CD3E: variants seen among roughly 807,000 people sequenced by gnomAD.
CD3E encodes the protein CD3 epsilon subunit of T-cell receptor complex.
CD3E carries 16 observed loss-of-function variants against 34.7 expected under a neutral mutation model. The observed-to-expected ratio is 0.46, with a 90% CI of 0.31 to 0.70. The LOEUF (loss-of-function observed/expected upper bound fraction) is 0.70, where lower values mean the gene tolerates loss of function less well. Among genes scored for constraint, CD3E ranks in the 30% least tolerant of loss-of-function variants. CD3E has a pLI of 0.05. For synonymous variants in CD3E, 70 were observed against 90.8 expected (o/e 0.77, Z 1.30); for missense variants, 223 against 253.9 (o/e 0.88, Z 0.83).
chr11:118,307,616 G>A (rs771415605), intron 3 of CD3E, among the ~76,000 whole-genome samples: 16 of 152,214 alleles, frequency 1.1e-4, no homozygotes, highest in South Asian at 2.1e-4. Flanking sequence ...TTCTGCAGAG[G>A]AGACGTAGCC....
intron 4 of CD3E, among the ~76,000 whole-genome samples, chr11:118,311,604 ATGAGGGAC>A (rs529771057): frequency 4.9e-4 from 75 of 152,362 alleles, no homozygotes; most frequent in Admixed American, 3.3e-3. Context: ...CTTCTCTATT[ATGAGGGAC>A]TCAGTTCTGA....
At chr11:118,312,535 A>G in intron 5 of CD3E, 83 bp from the exon 6 acceptor site, 1 of 1,505,246 alleles carries the variant, frequency 6.6e-7, no homozygotes, top group South Asian at 1.1e-5. Flanking sequence ...GACTTCCTGC[A>G]TTTGGGTGGT....
chr11:118,313,950 TCCA>T (rs1169250345), intron 7 of CD3E, 76 bp downstream of exon 7: 6 of 1,471,156 alleles, frequency 4.1e-6, no homozygotes, highest in Middle Eastern at 4.8e-4. Flanking sequence ...GGGTGGCAAG[TCCA>T]CAGCTAGGTC....
intron 4 of CD3E, among the ~76,000 whole-genome samples, chr11:118,311,863 C>A (rs919465660): frequency 2.2e-4 from 33 of 152,162 alleles, no homozygotes; most frequent in Admixed American, 1.4e-3. Flanking sequence ...GGCTTTAGGA[C>A]TTTAAGGCTT....
At chr11:118,309,479 G>C (rs994749134) in intron 4 of CD3E, among the ~76,000 whole-genome samples, 4 of 152,214 alleles carry the variant, frequency 2.6e-5, no homozygotes, top group African/African-American at 7.2e-5. Context: ...AGGAGGCTGA[G>C]GTAGGAGAAT....
Position 118,308,423 on chromosome 11 carries a change from T to A in CD3E, c.71-4T>A. ...CTAATGGCTTCTTACTGTTTCCTTTTCAGGTAATGAAGAAATGGGTAAGAA... is the reference window on the plus strand; with the variant it reads ...CTAATGGCTTCTTACTGTTTCCTTTACAGGTAATGAAGAAATGGGTAAGAA... On this transcript the variant is annotated splice_polypyrimidine_tract_variant and splice_region_variant and intron_variant, in intron 3 of 8. Coordinates refer to ENST00000361763, the MANE Select transcript of CD3E (RefSeq NM_000733.4). 1 of 1,593,896 alleles carries A rather than the reference T, an allele frequency of 6.3e-7. No homozygotes were observed. Among genetic ancestry groups the A allele is most frequent in the Non-Finnish European group, 8.6e-7 (1 of 1,164,114 alleles).
intron 6 of CD3E, chr11:118,313,198 A>C: frequency 2.6e-6 from 1 of 390,416 alleles, no homozygotes; most frequent in Non-Finnish European, 4.8e-6. Flanking sequence ...TCCAGAGATA[A>C]ATTTTTCAGA....
chr11:118,313,014 C>T (rs1242593357), intron 6 of CD3E, 148 bp downstream of exon 6: 1 of 872,800 alleles, frequency 1.1e-6, no homozygotes, highest in African/African-American at 1.6e-5. Context: ...TCTCTGGTAC[C>T]ACACGGCATC....
At chr11:118,313,531 G>A (rs1470523944) in intron 6 of CD3E, 176 bp from the exon 7 acceptor site, 22 of 662,170 alleles carry the variant, frequency 3.3e-5, no homozygotes, top group Non-Finnish European at 5.1e-5. Context: ...CTCTACCCAC[G>A]GCCACCACTC....
At chr11:118,313,329 T>C (rs1399722141) in intron 6 of CD3E, 2 of 372,270 alleles carry the variant, frequency 5.4e-6, no homozygotes, top group African/African-American at 4.2e-5. Context: ...GCACTGTCTG[T>C]ACCCAACACT....
chr11:118,309,976 C>T (rs746719824), intron 4 of CD3E, among the ~76,000 whole-genome samples: 5 of 152,136 alleles, frequency 3.3e-5, no homozygotes, highest in African/African-American at 7.2e-5. Flanking sequence ...GAGAAAGACC[C>T]TGTCTCTGAA....
intron 6 of CD3E, 98 bp downstream of exon 6, chr11:118,312,964 C>A: frequency 7.1e-7 from 1 of 1,414,848 alleles, no homozygotes; most frequent in Non-Finnish European, 1.0e-6. Flanking sequence ...TCACAGTGCC[C>A]AGGCGTCTTT....
chr11:118,313,572 G>C, intron 6 of CD3E, 135 bp from the exon 7 acceptor site: 1 of 814,326 alleles, frequency 1.2e-6, no homozygotes, highest in Admixed American at 2.0e-5. Context: ...TAAACATATT[G>C]AAGGGGGGGC....
At chr11:118,313,977 T>C (rs1180775484) in intron 7 of CD3E, 103 bp downstream of exon 7, 2 of 1,096,658 alleles carry the variant, frequency 1.8e-6, no homozygotes, top group African/African-American at 1.5e-5. Context: ...ACAGCTTCTC[T>C]AGAGCTTCTA....
At chr11:118,312,077 A>T (rs1451630067) in intron 4 of CD3E, 76 bp from the exon 5 acceptor site, 29 of 1,290,696 alleles carry the variant, frequency 2.2e-5, no homozygotes, top group Non-Finnish European at 3.0e-5. Flanking sequence ...GTCTAATTCC[A>T]CTAGAAAAGT....
At chr11:118,307,519 T>C (rs1008930007) in intron 3 of CD3E, among the ~76,000 whole-genome samples, 3 of 152,152 alleles carry the variant, frequency 2.0e-5, no homozygotes, top group Non-Finnish European at 2.9e-5. Context: ...TAATGAGTCT[T>C]AACCATACAA....
In CD3E at chr11:118,313,703, A is replaced by G; in HGVS notation, c.353-4A>G. Reference sequence around the variant, plus strand: ...TTCCCCTCTCCCCACCCCACCCCCCACAGTGTGTGAGAACTGCATGGAGAT... The same window carrying G: ...TTCCCCTCTCCCCACCCCACCCCCCGCAGTGTGTGAGAACTGCATGGAGAT... On this transcript the variant is annotated splice_region_variant and splice_polypyrimidine_tract_variant and intron_variant, in intron 6 of 8. Coordinates refer to ENST00000361763, the MANE Select transcript of CD3E (RefSeq NM_000733.4). 1 of 1,610,446 alleles carries G rather than the reference A, an allele frequency of 6.2e-7. No individual in the cohort carries two copies. Among genetic ancestry groups the G allele is most frequent in the Non-Finnish European group, 8.5e-7 (1 of 1,177,800 alleles).
chr11:118,308,570 G>C, intron 4 of CD3E, 129 bp downstream of exon 4: 1 of 712,022 alleles, frequency 1.4e-6, no homozygotes, highest in Admixed American at 2.0e-5. Flanking sequence ...TCTTTCAATG[G>C]GATCCGTATG....
At chr11:118,312,347 C>T (rs1415376270) in intron 5 of CD3E, 177 bp downstream of exon 5, 3 of 771,428 alleles carry the variant, frequency 3.9e-6, no homozygotes, top group Non-Finnish European at 6.8e-6. Flanking sequence ...TCTTTACATC[C>T]ATCTTACCCT....
Sources: allele counts gnomAD v4.1 joint callset (sites outside exome capture counted in the v4.1 genomes callset), GRCh38; gene constraint gnomAD v4.1.1; transcripts MANE v1.5; gene names NCBI Gene and HGNC (gene_info 2026-07-23, HGNC 2026-07-21).